Variants in CDH18 observed in about 807,000 individuals in gnomAD.
The protein encoded by CDH18 is cadherin-18.
In CDH18, 31 loss-of-function variants were observed where a neutral mutation model predicts 67.9. The observed-to-expected ratio is 0.46, with a 90% confidence interval of 0.34 to 0.62. CDH18 has a LOEUF of 0.62. Ranked by LOEUF, CDH18 falls within the 20% of genes least tolerant of loss-of-function variation. The pLI, the probability that CDH18 is intolerant of heterozygous loss-of-function variation, is 0.01. For synonymous variants in CDH18, 362 were observed against 347.2 expected (o/e 1.04, Z -0.48); for missense variants, 890 against 975.5 (o/e 0.91, Z 1.17).
chr5:19,635,230 T>C (rs1273483601), intron 5 of CDH18, among the ~76,000 whole-genome samples: 2 of 152,196 alleles, frequency 1.3e-5, no homozygotes, highest in African/African-American at 2.4e-5. Flanking sequence ...CCATGTTCCT[T>C]ACATGGATTA....
In CDH18 at chr5:19,867,893, T is replaced by C. The variant is rs74650420; in HGVS notation, c.-256-28651A>G. 2.3e-3 allele frequency among the ~76,000 whole-genome samples: 353 copies of C among 152,274 alleles called. 1 individual carries two copies. Among genetic ancestry groups the C allele is most frequent in the African/African-American group, 7.8e-3 (326 of 41,568 alleles). On this transcript the variant is annotated intron_variant, in intron 2 of 12. Coordinates refer to ENST00000382275, the MANE Select transcript of CDH18 (RefSeq NM_004934.5). ...GTGGGAGGGACCCTGTGGGAGGTAA[T>C]TGAATCATGGAGGTGCTTACCCCCA...
At chr5:20,360,361 T>G (rs1470826934) in intron 1 of CDH18, among the ~76,000 whole-genome samples, 25 of 152,062 alleles carry the variant, frequency 1.6e-4, no homozygotes, top group Admixed American at 1.6e-3. Flanking sequence ...CTGGCACAGT[T>G]TTTCTGAACA....
chr5:19,917,265 T>C (rs909313097), intron 2 of CDH18, among the ~76,000 whole-genome samples: 4 of 152,104 alleles, frequency 2.6e-5, no homozygotes, highest in African/African-American at 7.2e-5. Flanking sequence ...ACTTTAACCA[T>C]TGGGGGATCT....
At chr5:19,534,123 G>T (rs1425099929) in intron 9 of CDH18, among the ~76,000 whole-genome samples, 1 of 151,770 alleles carries the variant, frequency 6.6e-6, no homozygotes, top group East Asian at 1.9e-4. Flanking sequence ...TCCTTATTGT[G>T]TAGAACCTAA....
chr5:20,133,806 A>G (rs1398137003), intron 2 of CDH18, among the ~76,000 whole-genome samples: 1 of 152,192 alleles, frequency 6.6e-6, no homozygotes, highest in East Asian at 1.9e-4. Context: ...CAGCCTGCTT[A>G]GTGTTCTCTG....
At chr5:20,021,356 G>A (rs1048718261) in intron 2 of CDH18, among the ~76,000 whole-genome samples, 12 of 152,124 alleles carry the variant, frequency 7.9e-5, no homozygotes, top group African/African-American at 2.9e-4. Context: ...ATTGTACTTT[G>A]CAATGTATGA....
chr5:19,699,550 T>C (rs1762942510), intron 5 of CDH18, among the ~76,000 whole-genome samples: 1 of 151,926 alleles, frequency 6.6e-6, no homozygotes, highest in Non-Finnish European at 1.5e-5. Flanking sequence ...CCCTCACGAA[T>C]GGGATCAGTT....
At chr5:19,481,247 T>A (rs1579695740) in intron 12 of CDH18, among the ~76,000 whole-genome samples, 1 of 152,262 alleles carries the variant, frequency 6.6e-6, no homozygotes, top group Non-Finnish European at 1.5e-5. Flanking sequence ...CTGGGCAACT[T>A]GAATGAAGTG....
At chr5:19,994,764 G>T (rs1465328302) in intron 2 of CDH18, among the ~76,000 whole-genome samples, 47 of 101,218 alleles carry the variant, frequency 4.6e-4, no homozygotes, top group Middle Eastern at 6.0e-3. Context: ...GAGAGAGAGA[G>T]AGAGAGAGAG....
At chr5:20,460,200 C>T (rs184687413) in intron 1 of CDH18, among the ~76,000 whole-genome samples, 76 of 152,036 alleles carry the variant, frequency 5.0e-4, no homozygotes, top group Non-Finnish European at 7.9e-4. Context: ...CGAGACCATC[C>T]TGGCCAATGT....
At chr5:20,070,253 T>A (rs543425376) in intron 2 of CDH18, among the ~76,000 whole-genome samples, 5 of 152,340 alleles carry the variant, frequency 3.3e-5, no homozygotes, top group South Asian at 2.1e-4. Flanking sequence ...CTGAATAATA[T>A]TCCATTGTAT....
intron 9 of CDH18, among the ~76,000 whole-genome samples, chr5:19,535,754 A>G (rs1249049142): frequency 1.3e-5 from 2 of 152,208 alleles, no homozygotes; most frequent in South Asian, 2.1e-4. Flanking sequence ...CAATGTATAC[A>G]ATATGCAATT....
intron 2 of CDH18, among the ~76,000 whole-genome samples, chr5:19,998,459 G>C (rs1356450673): frequency 6.6e-6 from 1 of 152,128 alleles, no homozygotes; most frequent in Non-Finnish European, 1.5e-5. Context: ...TTGAAGGAAG[G>C]AGATAATAAA....
At chr5:20,342,006 C>T (rs1338858015) in intron 1 of CDH18, among the ~76,000 whole-genome samples, 1 of 152,096 alleles carries the variant, frequency 6.6e-6, no homozygotes, top group Non-Finnish European at 1.5e-5. Context: ...TCTGTCTCCT[C>T]GCTTCAGAAG....
intron 5 of CDH18, among the ~76,000 whole-genome samples, chr5:19,614,711 T>C (rs921607856): frequency 2.0e-5 from 3 of 152,136 alleles, no homozygotes; most frequent in African/African-American, 7.2e-5. Flanking sequence ...CTAAGTATTA[T>C]GAAGTGAATG....
intron 1 of CDH18, among the ~76,000 whole-genome samples, chr5:20,477,772 T>C (rs577442243): frequency 6.6e-6 from 1 of 152,058 alleles, no homozygotes; most frequent in African/African-American, 2.4e-5. Flanking sequence ...GAACTTGGGG[T>C]GCATACAACC....
At chr5:20,090,824 G>A (rs1187525743) in intron 2 of CDH18, among the ~76,000 whole-genome samples, 3 of 151,938 alleles carry the variant, frequency 2.0e-5, no homozygotes, top group East Asian at 3.9e-4. Context: ...GAGCCCAGGT[G>A]TTCAAGACCA....
At position 19,857,265 on chromosome 5, in the gene CDH18, AG is replaced by A. The variant is rs1405026408; in HGVS notation, c.-256-18024del. Among the ~76,000 whole-genome samples, 10 of 147,932 alleles carry A rather than the reference AG, an allele frequency of 6.8e-5. No individual in the cohort carries two copies. In the East Asian group the frequency reaches 2.0e-3, roughly 29 times the overall value. ...AACGAATACTAAAAAAAAAAAAAAA[AG>A]TTGAAGCAATGATTTCTGTCACTAG... On this transcript the variant is annotated intron_variant, in intron 2 of 12. Transcript: ENST00000382275.
At position 20,133,579 on chromosome 5, in the gene CDH18, C is replaced by T. The variant is rs568885111; in HGVS notation, c.-518+121865G>A. On this transcript the variant is annotated intron_variant, in intron 2 of 14. Coordinates refer to the CDH18 transcript ENST00000507958. ...AAGTTATTTGTTTTTGTTTTCTTTA[C>T]TCTTATAACACTGTAAATATTTCAC... is the stretch of plus-strand genomic sequence containing the variant. Among the ~76,000 whole-genome samples the T allele has an allele frequency of 5.9e-5, 9 of 152,204 alleles. No homozygotes were observed. The South Asian group carries it at 1.9e-3, about 32-fold the overall frequency.
Sources: allele counts gnomAD v4.1 joint callset (sites outside exome capture counted in the v4.1 genomes callset), GRCh38; gene constraint gnomAD v4.1.1; transcripts MANE v1.5; gene names NCBI Gene and HGNC (gene_info 2026-07-23, HGNC 2026-07-21).